Variants in E2F1 observed in about 807,000 individuals in gnomAD.
The protein encoded by E2F1 is transcription factor E2F1.
In E2F1, 7 loss-of-function variants were observed where a neutral mutation model predicts 36.9. The ratio of observed to expected loss-of-function variants is 0.19; its 90% CI spans 0.11 to 0.36. The LOEUF (loss-of-function observed/expected upper bound fraction) is 0.36. E2F1 is among the 10% of genes least tolerant of loss of function. The pLI is 1.00. For synonymous variants in E2F1, 261 were observed against 263.1 expected, an observed-to-expected ratio of 0.99 and a Z score of 0.08; for missense variants, 406 against 573.6, an observed-to-expected ratio of 0.71 and a Z score of 2.99.
intron 1 of E2F1, among the ~76,000 whole-genome samples, chr20:33,681,045 T>G (rs1047936295): frequency 6.6e-6 from 1 of 152,176 alleles, no homozygotes. Flanking sequence ...GGCACTATTT[T>G]TTTTTCTTTT....
chr20:33,677,347 G>A lies in E2F1; in HGVS notation c.841-17C>T. On this transcript the variant is annotated splice_polypyrimidine_tract_variant and intron_variant, in intron 5 of 6. Transcript: ENST00000343380. Reference sequence around the variant, plus strand: ...CTGAAAGTTCTGGGTGGAAGCAGCAGGCAGGGTAAACTGAGGCCCAGGTGA... The same window carrying A: ...CTGAAAGTTCTGGGTGGAAGCAGCAAGCAGGGTAAACTGAGGCCCAGGTGA... The A allele has an allele frequency of 6.2e-7, 1 of 1,612,064 alleles. No individual in the cohort carries two copies. Among genetic ancestry groups the A allele is most frequent in the South Asian group, 1.1e-5 (1 of 90,936 alleles).
intron 1 of E2F1, among the ~76,000 whole-genome samples, chr20:33,680,935 A>C (rs1300782815): frequency 6.6e-6 from 1 of 152,214 alleles, no homozygotes; most frequent in Non-Finnish European, 1.5e-5. Flanking sequence ...CCAGAACCCA[A>C]ACACTGGCTG....
intron 1 of E2F1, among the ~76,000 whole-genome samples, chr20:33,682,595 A>C (rs1487879916): frequency 6.6e-6 from 1 of 151,716 alleles, no homozygotes; most frequent in Non-Finnish European, 1.5e-5. Context: ...ACCCTTGTCC[A>C]CCCCTGAAGG....
chr20:33,685,074 T>G (rs2018053581), intron 1 of E2F1, among the ~76,000 whole-genome samples: 1 of 152,208 alleles, frequency 6.6e-6, no homozygotes, highest in Non-Finnish European at 1.5e-5. Flanking sequence ...CCCTCCAGTC[T>G]GAATTCGTCT....
chr20:33,683,278 T>C (rs2018033449), intron 1 of E2F1, among the ~76,000 whole-genome samples: 1 of 151,078 alleles, frequency 6.6e-6, no homozygotes, highest in Non-Finnish European at 1.5e-5. Context: ...TGGTGAAACC[T>C]CATCTCTACC....
chr20:33,680,093 C>T, intron 2 of E2F1, 119 bp from the exon 3 acceptor site: 2 of 989,764 alleles, frequency 2.0e-6, no homozygotes, highest in Non-Finnish European at 3.1e-6. Context: ...ACAGCCAGCT[C>T]CTTCCCCTTG....
intron 6 of E2F1, 52 bp from the exon 7 acceptor site, chr20:33,677,031 G>A: frequency 9.0e-6 from 14 of 1,560,398 alleles, no homozygotes; most frequent in Non-Finnish European, 1.2e-5. Flanking sequence ...AGGGAGGAAG[G>A]CAGGGGCTGT....
At position 33,679,385 on chromosome 20, in the gene E2F1, A is replaced by G. The variant is rs907265195; in HGVS notation, c.572+370T>C. Among the ~76,000 whole-genome samples the G allele has an allele frequency of 1.3e-5, 2 of 152,090 alleles. No individual in the cohort carries two copies. The highest frequency in any genetic ancestry group is 4.8e-5 in the African/African-American group (2 of 41,404). ...ATGGTGAAACCCCATTTCTACTACA[A>G]ATACAAAAAGTAGCTGGGCATGGTG... On this transcript the variant is annotated intron_variant, in intron 3 of 6. Coordinates refer to ENST00000343380, the MANE Select transcript of E2F1 (RefSeq NM_005225.3). This position sits in a 1 kb window ranked among gnomAD's most constrained non-coding sequence, Gnocchi z 4.6.
intron 3 of E2F1, among the ~76,000 whole-genome samples, chr20:33,678,554 T>C (rs2017987527): frequency 6.6e-6 from 1 of 151,720 alleles, no homozygotes; most frequent in Admixed American, 6.6e-5. Context: ...TATAAACACC[T>C]ACATGTCCCT....
At chr20:33,677,706 G>A (rs960150407) in intron 4 of E2F1, among the ~76,000 whole-genome samples, 166 bp from the exon 5 acceptor site, 2 of 152,170 alleles carry the variant, frequency 1.3e-5, no homozygotes, top group African/African-American at 4.8e-5. Flanking sequence ...TCTGTATAAT[G>A]AAATCACTCT....
Position 33,676,594 on chromosome 20 carries a change from A to G in E2F1, c.*138T>C. 1 of 974,044 alleles carries G rather than the reference A, an allele frequency of 1.0e-6. No individual in the cohort carries two copies. The highest frequency in any genetic ancestry group is 1.4e-6 in the Non-Finnish European group (1 of 691,600). 60.3% of individuals were successfully genotyped at this position (974,044 alleles called of 1,614,324 possible). A position where few individuals can be genotyped will look rare whatever the true frequency, so the allele number is the denominator to read the frequency against. ...CTAGCGGTAGCCAGACCCCAGAGCT[A>G]GAAGCTTCTGGAGACAGAGGAGAGG... On this transcript the variant is annotated 3_prime_UTR_variant, in exon 7 of 7. Transcript: ENST00000343380.
chr20:33,679,900 G>T lies in E2F1; in HGVS notation c.427C>A (p.Leu143Met). The T allele has an allele frequency of 6.2e-7, 1 of 1,614,244 alleles. No homozygotes were observed. Among genetic ancestry groups the T allele is most frequent in the Non-Finnish European group, 8.5e-7 (1 of 1,180,040 alleles). The change falls in exon 3 of 7, where the codon CTG (leucine) becomes ATG (methionine). Residue 143 changes from leucine to methionine, a missense_variant. Around this residue, in one of 5 missense-constraint regions of E2F1, gnomAD observed 77 missense variants for 131.7 expected, o/e 0.58. Coordinates refer to ENST00000343380, the MANE Select transcript of E2F1 (RefSeq NM_005225.3). This position sits in a 1 kb window ranked among gnomAD's most constrained non-coding sequence, Gnocchi z 4.6. ...NLTTKRFLEL[L>M]SHSADGVVDL... ...ACGACACCGTCAGCCGAGTGGCTCA[G>T]CAGCTCCAGGAAGCGCTTGGTGGTC...
chr20:33,686,275 G>A lies in E2F1; in HGVS notation c.-11C>T, dbSNP rs2018069151. ...CCCGGCCAAGGCCATGACGCTCACGGCCCGCGCGGCCCGGGTGACAGGCGG... is the reference window on the plus strand; with the variant it reads ...CCCGGCCAAGGCCATGACGCTCACGACCCGCGCGGCCCGGGTGACAGGCGG... On this transcript the variant is annotated 5_prime_UTR_variant, in exon 1 of 7. Transcript: ENST00000343380. 2 of 998,608 alleles carry A rather than the reference G, an allele frequency of 2.0e-6. No individual in the cohort carries two copies. Among genetic ancestry groups the A allele is most frequent in the Non-Finnish European group, 2.4e-6 (2 of 840,390 alleles). 61.9% of individuals were successfully genotyped at this position (998,608 alleles called of 1,614,324 possible). A position where few individuals can be genotyped will look rare whatever the true frequency, so the allele number is the denominator to read the frequency against.
chr20:33,677,591 C>T, intron 4 of E2F1, 51 bp from the exon 5 acceptor site: 7 of 1,413,192 alleles, frequency 5.0e-6, no homozygotes, highest in Middle Eastern at 1.8e-4. Flanking sequence ...GGGTCACTCA[C>T]TCCAACAGCT....
intron 1 of E2F1, 49 bp from the exon 2 acceptor site, chr20:33,680,465 G>C: frequency 6.4e-7 from 1 of 1,573,212 alleles, no homozygotes; most frequent in Non-Finnish European, 8.7e-7. Context: ...GAGGCCAGAA[G>C]AGACCTGGCT....
Position 33,676,732 on chromosome 20 carries a change from T to C in E2F1, c.1314A>G (p.Ter438TrpextTer57), listed in dbSNP as rs766184341. The change falls in exon 7 of 7, where the codon TGA (stop) becomes TGG (tryptophan). Residue 438 changes from the stop codon to tryptophan (W), a stop_lost. Coordinates refer to ENST00000343380, the MANE Select transcript of E2F1 (RefSeq NM_005225.3). The part of the protein sequence containing the change: ...DFGDLTPLDF[*>W] ...GAAACCCTGGTCCCTCCAAGCCCTG[T>C]CAGAAATCCAGGGGGGTGAGGTCCC... The C allele has an allele frequency of 6.2e-7, 1 of 1,607,236 alleles. No individual in the cohort carries two copies. The highest frequency in any genetic ancestry group is 8.5e-7 in the Non-Finnish European group (1 of 1,176,982).
chr20:33,676,794 C>T lies in E2F1; in HGVS notation c.1252G>A (p.Gly418Ser), dbSNP rs774912473. The T allele has an allele frequency of 3.7e-6, 6 of 1,604,772 alleles. No individual in the cohort carries two copies. The highest frequency in any genetic ancestry group is 5.1e-6 in the Non-Finnish European group (6 of 1,175,462). Reference protein sequence around the residue: ...ALDYHFGLEEGEGIRDLFDCD... With the variant: ...ALDYHFGLEESEGIRDLFDCD... ...TCGAAGAGGTCTCTGATGCCCTCGC[C>T]CTCCTCGAGGCCGAAGTGGTAGTCG... Residue 418 changes from glycine to serine, a missense_variant, in exon 7 of 7, where the codon GGC becomes AGC. By Grantham distance (56) the Gly-to-Ser change is moderately conservative. Coordinates refer to ENST00000343380, the MANE Select transcript of E2F1 (RefSeq NM_005225.3).
At position 33,678,251 on chromosome 20, in the gene E2F1, A is replaced by G; in HGVS notation, c.675T>C (p.Asn225=). 6.2e-7 allele frequency: 1 copy of G among 1,613,822 alleles called. No homozygotes were observed. Among genetic ancestry groups the G allele is most frequent in the Non-Finnish European group, 8.5e-7 (1 of 1,180,028 alleles). The stretch of plus-strand genomic sequence containing the variant: ...GCAGGCGCAGCTGCGTAGTACAGAT[A>G]TTCATCAGGTGGTCCAGCTGCTGCT... ...ESEQQLDHLM[N]ICTTQLRLLS... The change falls in exon 4 of 7, where the codon AAT becomes AAC. Residue 225 remains asparagine (N), a synonymous_variant. Transcript: ENST00000343380.
Position 33,677,549 on chromosome 20 carries a change from A to G in E2F1, c.726-9T>C, listed in dbSNP as rs2017977014. 11 of 1,611,228 alleles carry G rather than the reference A, an allele frequency of 6.8e-6. No individual in the cohort carries two copies. The highest frequency in any genetic ancestry group is 9.3e-6 in the Non-Finnish European group (11 of 1,177,700). On this transcript the variant is annotated splice_polypyrimidine_tract_variant and intron_variant, in intron 4 of 6. Transcript: ENST00000343380. ...ACGTCACGTAGGCCAGGGTTGGCAGAGTCAAGGACCACATGACCTTTGACT... is the reference window on the plus strand; with the variant it reads ...ACGTCACGTAGGCCAGGGTTGGCAGGGTCAAGGACCACATGACCTTTGACT...
Sources: allele counts gnomAD v4.1 joint callset (sites outside exome capture counted in the v4.1 genomes callset), GRCh38; gene constraint gnomAD v4.1.1; regional missense constraint gnomAD v4.1.1; non-coding constraint Gnocchi (gnomAD v3.1); transcripts MANE v1.5; gene names NCBI Gene and HGNC (gene_info 2026-07-23, HGNC 2026-07-21).